The following POLR1B variants were observed in gnomAD, a reference collection of about 807,000 sequenced individuals.
POLR1B encodes the protein DNA-directed RNA polymerase I subunit RPA2.
A neutral mutation model predicts 105.8 loss-of-function variants in POLR1B; 30 were observed. The observed-to-expected ratio is 0.28, with a 90% confidence interval of 0.21 to 0.38. The LOEUF (loss-of-function observed/expected upper bound fraction) is 0.38, where lower values mean the gene tolerates loss of function less well. POLR1B is among the 10% of genes least tolerant of loss of function. POLR1B has a pLI of 1.00. For missense variants in POLR1B, 976 were observed against 1,435.8 expected (o/e 0.68, Z 5.17); for synonymous variants, 485 against 505.1 (o/e 0.96, Z 0.53).
chr2:112,554,935 C>CT (rs1477923236), intron 7 of POLR1B, among the ~76,000 whole-genome samples: 1 of 152,162 alleles, frequency 6.6e-6, no homozygotes, highest in Non-Finnish European at 1.5e-5. Context: ...AATCCCAGCA[C>CT]TTTGAGATGC....
chr2:112,548,543 A>G (rs1683180741), intron 3 of POLR1B, among the ~76,000 whole-genome samples: 1 of 152,138 alleles, frequency 6.6e-6, no homozygotes. Context: ...GAGCTTTCAT[A>G]CAATCAAGTT....
At chr2:112,554,923 A>C (rs979517372) in intron 7 of POLR1B, among the ~76,000 whole-genome samples, 2 of 151,966 alleles carry the variant, frequency 1.3e-5, no homozygotes, top group Non-Finnish European at 2.9e-5. Context: ...GCTCACGCCT[A>C]TAATCCCAGC....
At chr2:112,563,290 C>T (rs564211624) in intron 9 of POLR1B, among the ~76,000 whole-genome samples, 3 of 148,308 alleles carry the variant, frequency 2.0e-5, no homozygotes, top group East Asian at 2.1e-4. Flanking sequence ...CTCCTGACCT[C>T]GTGATCTGCC....
intron 1 of POLR1B, 25 bp downstream of exon 1, chr2:112,542,696 C>G (rs892692654): frequency 6.2e-7 from 1 of 1,608,992 alleles, no homozygotes; most frequent in Non-Finnish European, 8.5e-7. Flanking sequence ...CGCCGGCGCC[C>G]TTGCCGCGGC....
At chr2:112,551,184 CG>C (rs2104519414) in intron 5 of POLR1B, among the ~76,000 whole-genome samples, 182 bp downstream of exon 5, 1 of 152,262 alleles carries the variant, frequency 6.6e-6, no homozygotes, top group Non-Finnish European at 1.5e-5. Flanking sequence ...ACAGTTTCTG[CG>C]GGTCGGGAGT....
At chr2:112,566,473 G>A (rs931508536) in intron 10 of POLR1B, among the ~76,000 whole-genome samples, 5 of 152,080 alleles carry the variant, frequency 3.3e-5, no homozygotes, top group Admixed American at 2.0e-4. Flanking sequence ...TTTTTTCTAT[G>A]TTTATTAGTT....
At chr2:112,555,945 TTATTG>T (rs1683637070) in intron 7 of POLR1B, among the ~76,000 whole-genome samples, 1 of 152,252 alleles carries the variant, frequency 6.6e-6, no homozygotes, top group Admixed American at 6.5e-5. Context: ...ATTTTCTGTA[TTATTG>T]TAGATTAACC....
rs1172353449 is a variant in POLR1B, at chr2:112,578,073, C to G, written c.*2344C>G. ...ATCGCTCCACTTCTATTTTTAGCAG[C>G]ACTAAAAACATTCCCAAAAAAAATG... On this transcript the variant is annotated 3_prime_UTR_variant, in exon 15 of 15. Transcript: ENST00000263331. Among the ~76,000 whole-genome samples, 1 of 152,122 alleles carries G rather than the reference C, an allele frequency of 6.6e-6. No homozygotes were observed. The highest frequency in any genetic ancestry group is 2.4e-5 in the African/African-American group (1 of 41,430).
At chr2:112,559,723 T>G (rs1362573820) in intron 9 of POLR1B, 149 bp downstream of exon 9, 1 of 912,008 alleles carries the variant, frequency 1.1e-6, no homozygotes, top group East Asian at 2.6e-5. Flanking sequence ...CTCTGCCTCC[T>G]AGGTTCACGC....
At position 112,543,950 on chromosome 2, in the gene POLR1B, G is replaced by T. The variant is rs1574085167; in HGVS notation, c.177+1279G>T. Among the ~76,000 whole-genome samples, 10 of 151,874 alleles carry T rather than the reference G, an allele frequency of 6.6e-5. No homozygotes were observed. In the South Asian group the frequency reaches 2.1e-3, roughly 32 times the overall value. On this transcript the variant is annotated intron_variant, in intron 1 of 14. Coordinates refer to ENST00000263331, the MANE Select transcript of POLR1B (RefSeq NM_019014.6). ...ATTTAAAAATTAGTGGGGCATGGTGGTGCGCACCCAAGTAGCTGGTCCCAG... is the reference window on the plus strand; with the variant it reads ...ATTTAAAAATTAGTGGGGCATGGTGTTGCGCACCCAAGTAGCTGGTCCCAG...
intron 9 of POLR1B, among the ~76,000 whole-genome samples, chr2:112,563,478 A>G: frequency 6.6e-6 from 1 of 152,220 alleles, no homozygotes; most frequent in East Asian, 1.9e-4. Flanking sequence ...ATTATTTCCA[A>G]GTTGCAGTCA....
rs763822215 is a variant in POLR1B, at chr2:112,542,595, C to A, written c.101C>A (p.Ala34Glu). The A allele has an allele frequency of 1.2e-5, 19 of 1,614,098 alleles. No individual in the cohort carries two copies. Among genetic ancestry groups the A allele is most frequent in the Non-Finnish European group, 1.4e-5 (17 of 1,180,064 alleles). Reference sequence around the variant, plus strand: ...ATCCCGCGGGAACAGCAAAAGGCAGCGTTGCAGGAGCTGACGCGGGCGCAC... The same window carrying A: ...ATCCCGCGGGAACAGCAAAAGGCAGAGTTGCAGGAGCTGACGCGGGCGCAC... The part of the protein sequence containing the change: ...YGIPREQQKA[A>E]LQELTRAHVE... The change falls in exon 1 of 15, where the codon GCG becomes GAG. Residue 34 changes from alanine to glutamate, a missense_variant. By Grantham distance (107) the Ala-to-Glu change is moderately radical (BLOSUM62 -1). Coordinates refer to ENST00000263331, the MANE Select transcript of POLR1B (RefSeq NM_019014.6).
chr2:112,542,575 G>A lies in POLR1B; in HGVS notation c.81G>A (p.Pro27=), dbSNP rs767182468. Residue 27 remains proline (P), a synonymous_variant, in exon 1 of 15, where the codon CCG becomes CCA. Coordinates refer to ENST00000263331, the MANE Select transcript of POLR1B (RefSeq NM_019014.6). ...KHLTDPSYGI[P]REQQKAALQE... ...TGACTGACCCCTCTTATGGAATCCC[G>A]CGGGAACAGCAAAAGGCAGCGTTGC... 3.4e-5 allele frequency: 55 copies of A among 1,614,072 alleles called. 2 individuals are homozygous for A. The South Asian group carries it at 5.1e-4, about 15-fold the overall frequency.
upstream of POLR1B, chr2:112,542,194 G>A: frequency 1.3e-6 from 2 of 1,535,716 alleles, no homozygotes; most frequent in Non-Finnish European, 1.7e-6. Flanking sequence ...GCGGGGAGCG[G>A]GTTTCCACCT....
At chr2:112,568,196 C>T in intron 11 of POLR1B, 59 bp downstream of exon 11, 2 of 1,476,180 alleles carry the variant, frequency 1.4e-6, no homozygotes, top group African/African-American at 1.4e-5. Context: ...ATACAACTTT[C>T]AGAGACTTAA....
chr2:112,568,617 T>G, intron 11 of POLR1B, 129 bp from the exon 12 acceptor site: 1 of 1,042,332 alleles, frequency 9.6e-7, no homozygotes, highest in East Asian at 2.4e-5. Context: ...AGTTGATCCC[T>G]TCAGCACTCA....
chr2:112,542,073 G>T (rs1682773626), upstream of POLR1B: 1 of 1,529,094 alleles, frequency 6.5e-7, no homozygotes, highest in Admixed American at 2.0e-5. Context: ...CGGCATCAGC[G>T]TGGGACTGGG....
intron 1 of POLR1B, among the ~76,000 whole-genome samples, chr2:112,546,187 C>A (rs1683031927): frequency 6.6e-6 from 1 of 152,078 alleles, no homozygotes; most frequent in Non-Finnish European, 1.5e-5. Context: ...CAGAATGGTA[C>A]AAAGAAGTAA....
At chr2:112,570,537 A>G (rs1338889005) in intron 12 of POLR1B, among the ~76,000 whole-genome samples, 1 of 152,172 alleles carries the variant, frequency 6.6e-6, no homozygotes, top group Non-Finnish European at 1.5e-5. Context: ...AGACTACTAC[A>G]CACCTAGTAT....
Sources: gnomAD v4.1 joint callset for allele counts (sites outside exome capture counted in the v4.1 genomes callset) on GRCh38, gnomAD v4.1.1 for gene constraint, MANE v1.5 for transcripts, NCBI Gene and HGNC (gene_info 2026-07-23, HGNC 2026-07-21) for gene names.